Variants in MANF observed in about 807,000 individuals in gnomAD.
The protein encoded by MANF is mesencephalic astrocyte derived neurotrophic factor.
Under a neutral mutation model 19.1 loss-of-function variants are expected in MANF, and 9 were observed. The ratio of observed to expected loss-of-function variants is 0.47; its 90% CI spans 0.28 to 0.82. The LOEUF is 0.82. Among genes scored for constraint, MANF ranks in the 40% least tolerant of loss-of-function variants. MANF has a pLI of 0.10. For missense variants in MANF, 225 were observed against 226.7 expected, an observed-to-expected ratio of 0.99 and a Z score of 0.05; for synonymous variants, 89 against 88.0, an observed-to-expected ratio of 1.01 and a Z score of -0.06.
intron 2 of MANF, 145 bp downstream of exon 2, chr3:51,386,480 C>A: frequency 2.4e-6 from 2 of 849,692 alleles, no homozygotes; most frequent in Non-Finnish European, 3.6e-6. Context: ...GACTGAAGTG[C>A]TTCTATGTCC....
intron 2 of MANF, among the ~76,000 whole-genome samples, chr3:51,386,611 CAAATAAT>C (rs1420657467): frequency 6.6e-6 from 1 of 152,214 alleles, no homozygotes; most frequent in African/African-American, 2.4e-5. Context: ...GTCGGACACA[CAAATAAT>C]GCAATGTCTG....
rs2088962762 is a variant in MANF, at chr3:51,386,399, G to A, written c.222+64G>A. 4 of 1,594,192 alleles carry A rather than the reference G, an allele frequency of 2.5e-6. 1 individual carries two copies. The South Asian group carries it at 3.4e-5, about 13-fold the overall frequency. On this transcript the variant is annotated intron_variant, in intron 2 of 3. Transcript: ENST00000528157. ...ATGTTAACCCTCGGCTTCACCAGCC[G>A]TTTGATAAAAGGCCTTGCCCACCTC...
chr3:51,386,445 C>A, intron 2 of MANF, 110 bp downstream of exon 2: 2 of 1,211,458 alleles, frequency 1.7e-6, no homozygotes, highest in Non-Finnish European at 2.4e-6. Flanking sequence ...AAGCCAGCTA[C>A]TCTCTCCATA....
intron 2 of MANF, chr3:51,386,850 G>A (rs1268613431): frequency 6.6e-6 from 3 of 456,848 alleles, no homozygotes; most frequent in Non-Finnish European, 1.3e-5. Context: ...CCCTAGTGAA[G>A]CAATGGGTTT....
At chr3:51,388,841 T>C in intron 3 of MANF, 64 bp from the exon 4 acceptor site, 1 of 1,271,458 alleles carries the variant, frequency 7.9e-7, no homozygotes, top group East Asian at 2.6e-5. Context: ...TGACATACTC[T>C]GGGACTACTG....
Position 51,386,321 on chromosome 3 carries a change from A to G in MANF, c.208A>G (p.Lys70Glu). 6.2e-7 allele frequency: 1 copy of G among 1,613,896 alleles called. No individual in the cohort carries two copies. The highest frequency in any genetic ancestry group is 1.3e-5 in the African/African-American group (1 of 75,052). ...LIKFCREARG[K>E]ENRLCYYIGA... Reference sequence around the variant, plus strand: ...AAAGTTCTGCCGGGAAGCAAGAGGCAAAGAGAATCGGTTGGTAAGTAGCTG... The same window carrying G: ...AAAGTTCTGCCGGGAAGCAAGAGGCGAAGAGAATCGGTTGGTAAGTAGCTG... Residue 70 changes from lysine to glutamate, a missense_variant, in exon 2 of 4, where the codon AAA becomes GAA. Transcript: ENST00000528157.
rs782289304 is a variant in MANF at position 51,385,326 on chromosome 3, G to GGAGGAGGAT, written c.4_12dup. On this transcript the variant is annotated 5_prime_UTR_variant, in exon 1 of 4. In the 5' UTR this introduces an upstream ATG that the reference lacks. Transcript: ENST00000528157. ...CGGCGGCAGCGGAGGAGGAGGAGGA[G>GGAGGAGGAT]GAGGAGGATGAGGAGGATGAGGAGG... The GGAGGAGGAT allele has an allele frequency of 5.0e-4, 599 of 1,203,242 alleles. No individual in the cohort carries two copies. The highest frequency in any genetic ancestry group is 3.3e-3 in the East Asian group (104 of 31,370). 74.5% of individuals were successfully genotyped at this position (1,203,242 alleles called of 1,614,324 possible).
chr3:51,388,092 G>A (rs1234589235), intron 3 of MANF, among the ~76,000 whole-genome samples: 2 of 152,164 alleles, frequency 1.3e-5, no homozygotes, highest in African/African-American at 4.8e-5. Flanking sequence ...AGGAGGTGAG[G>A]ATTAGCCAAG....
intron 1 of MANF, 86 bp from the exon 2 acceptor site, chr3:51,386,122 C>T (rs1422303976): frequency 2.6e-5 from 37 of 1,402,672 alleles, no homozygotes; most frequent in Non-Finnish European, 3.4e-5. Context: ...TCCGTGTCTC[C>T]TATTAAAATT....
chr3:51,385,346 A>C lies in MANF; in HGVS notation c.4A>C (p.Arg2=). 1.6e-6 allele frequency: 2 copies of C among 1,237,872 alleles called. No homozygotes were observed. Among genetic ancestry groups the C allele is most frequent in the Non-Finnish European group, 2.0e-6 (2 of 988,332 alleles). The allele number at this position is 1,237,872 out of a possible 1,614,324, so 76.7% of individuals were successfully genotyped here. A position where few individuals can be genotyped will look rare whatever the true frequency, so the allele number is the denominator to read the frequency against. ...GAGGAGGAGGAGGATGAGGAGGATG[A>C]GGAGGATGTGGGCCACGCAGGGGCT... The part of the protein sequence containing the change: M[R]RMWATQGLAV... Residue 2 remains arginine, a synonymous_variant, in exon 1 of 4, where the codon AGG becomes CGG. Transcript: ENST00000528157.
chr3:51,387,253 A>C (rs2088971655), intron 2 of MANF, among the ~76,000 whole-genome samples: 1 of 152,298 alleles, frequency 6.6e-6, no homozygotes, highest in East Asian at 1.9e-4. Flanking sequence ...TCAGGAGTTC[A>C]AGACCAGCCT....
rs782244987 is a variant in MANF at position 51,386,319 on chromosome 3, G to A, written c.206G>A (p.Gly69Asp). ...ELIKFCREAR[G>D]KENRLCYYIG... Reference sequence around the variant, plus strand: ...ATAAAGTTCTGCCGGGAAGCAAGAGGCAAAGAGAATCGGTTGGTAAGTAGC... The same window carrying A: ...ATAAAGTTCTGCCGGGAAGCAAGAGACAAAGAGAATCGGTTGGTAAGTAGC... The change falls in exon 2 of 4, where the codon GGC becomes GAC. Residue 69 changes from glycine to aspartate, a missense_variant. By Grantham distance (94) the Gly-to-Asp change is moderately conservative. Coordinates refer to ENST00000528157, the MANE Select transcript of MANF (RefSeq NM_006010.6). The A allele has an allele frequency of 1.1e-5, 17 of 1,613,886 alleles. No homozygotes were observed. The highest frequency in any genetic ancestry group is 1.4e-5 in the Non-Finnish European group (17 of 1,179,800).
At chr3:51,388,712 T>C (rs1412107718) in intron 3 of MANF, among the ~76,000 whole-genome samples, 193 bp from the exon 4 acceptor site, 3 of 152,228 alleles carry the variant, frequency 2.0e-5, no homozygotes, top group African/African-American at 7.2e-5. Context: ...GTAGCCAGCC[T>C]TCCTGGTGAA....
intron 1 of MANF, chr3:51,385,966 A>C: frequency 2.0e-6 from 1 of 510,584 alleles, no homozygotes; most frequent in South Asian, 2.5e-5. Flanking sequence ...AGCAGGGAGA[A>C]GTCGTTTATA....
In MANF at chr3:51,385,657, A is replaced by G. The variant is rs9841963; in HGVS notation, c.94+221A>G. The G allele has an allele frequency of 5.5e-3, 2,056 of 375,544 alleles. 51 individuals carry two copies. Among genetic ancestry groups the G allele is most frequent in the African/African-American group, 0.036 (1,736 of 47,910 alleles). 23.3% of individuals were successfully genotyped at this position (375,544 alleles called of 1,614,324 possible). On this transcript the variant is annotated intron_variant, in intron 1 of 3. Coordinates refer to ENST00000528157, the MANE Select transcript of MANF (RefSeq NM_006010.6). Reference sequence around the variant, plus strand: ...ATTGGTCCGACGAAGAAAAGTTGAGACTAGATCCCGTTGAAAACTTGTCCT... The same window carrying G: ...ATTGGTCCGACGAAGAAAAGTTGAGGCTAGATCCCGTTGAAAACTTGTCCT...
At chr3:51,385,936 G>T in intron 1 of MANF, 2 of 430,476 alleles carry the variant, frequency 4.6e-6, no homozygotes, top group South Asian at 3.4e-5. Flanking sequence ...GTTCACCATG[G>T]GCTTAAACTT....
At chr3:51,386,452 C>A in intron 2 of MANF, 117 bp downstream of exon 2, 1 of 1,118,718 alleles carries the variant, frequency 8.9e-7, no homozygotes, top group Non-Finnish European at 1.3e-6. Context: ...CTACTCTCTC[C>A]ATAAACTAAT....
At position 51,386,201 on chromosome 3, in the gene MANF, T is replaced by C; in HGVS notation, c.95-7T>C. The C allele has an allele frequency of 2.5e-6, 4 of 1,613,216 alleles. No individual in the cohort carries two copies. Among genetic ancestry groups the C allele is most frequent in the Admixed American group, 1.7e-5 (1 of 59,922 alleles). ...TGCTGAGCATCTCCCGTCCCTCTCT[T>C]TTCCAGTTTGTATTTCTTATCTGGG... On this transcript the variant is annotated splice_polypyrimidine_tract_variant and splice_region_variant and intron_variant, in intron 1 of 3. Transcript: ENST00000528157.
chr3:51,386,154 T>G, intron 1 of MANF, 54 bp from the exon 2 acceptor site: 1 of 1,594,514 alleles, frequency 6.3e-7, no homozygotes, highest in African/African-American at 1.3e-5. Context: ...TCTTTTCTGG[T>G]GGATTGGAAC....
Sources: gnomAD v4.1 joint callset for allele counts (sites outside exome capture counted in the v4.1 genomes callset) on GRCh38, gnomAD v4.1.1 for gene constraint, MANE v1.5 for transcripts, NCBI Gene and HGNC (gene_info 2026-07-23, HGNC 2026-07-21) for gene names.